The following PPARA variants were observed in gnomAD, a reference collection of about 807,000 sequenced individuals.
PPARA encodes peroxisome proliferator activated receptor alpha.
PPARA carries 22 observed loss-of-function variants against 42.2 expected under a neutral mutation model. The observed-to-expected ratio is 0.52, with a 90% confidence interval of 0.37 to 0.74. The LOEUF (loss-of-function observed/expected upper bound fraction) is 0.74. Ranked by LOEUF, PPARA falls within the 30% of genes least tolerant of loss-of-function variation. The pLI, the probability that PPARA is intolerant of heterozygous loss-of-function variation, is 0.00. For synonymous variants in PPARA, 242 were observed against 239.3 expected, an observed-to-expected ratio of 1.01 and a Z score of -0.10; for missense variants, 465 against 608.2, an observed-to-expected ratio of 0.76 and a Z score of 2.48.
chr22:46,210,852 G>A (rs1260746408), intron 4 of PPARA, among the ~76,000 whole-genome samples: 1 of 152,160 alleles, frequency 6.6e-6, no homozygotes, highest in Admixed American at 6.6e-5. Flanking sequence ...TAAGTTACTT[G>A]GAAAATCTTT....
rs937915400 is a variant in PPARA, at chr22:46,232,035, G to A, written c.955G>A (p.Ala319Thr). Residue 319 changes from alanine (A) to threonine (T), a missense_variant, in exon 8 of 9, where the codon GCC becomes ACC. By Grantham distance (58) the Ala-to-Thr change is moderately conservative. Coordinates refer to ENST00000407236, the MANE Select transcript of PPARA (RefSeq NM_005036.6). The surrounding 1 kb of genome is among the most constrained non-coding windows in gnomAD (Gnocchi z 5.3). ...ATACGGAGTTTATGAGGCCATATTC[G>A]CCATGCTGTCTTCTGTGATGAACAA... ...LKYGVYEAIF[A>T]MLSSVMNKDG... 1.1e-5 allele frequency: 17 copies of A among 1,614,056 alleles called. No homozygotes were observed. Among genetic ancestry groups the A allele is most frequent in the African/African-American group, 1.3e-5 (1 of 74,912 alleles).
rs1311506898 is a variant in PPARA, at chr22:46,212,476, A to T, written c.209-2697A>T. Among the ~76,000 whole-genome samples, 1 of 152,154 alleles carries T rather than the reference A, an allele frequency of 6.6e-6. No homozygotes were observed. Among genetic ancestry groups the T allele is most frequent in the Non-Finnish European group, 1.5e-5 (1 of 68,032 alleles). ...AAATGGTTCTTTTTACCATTGCTAT[A>T]ATTTTGCCTTTTCCAGAACGCCATG... On this transcript the variant is annotated intron_variant, in intron 4 of 8. Transcript: ENST00000407236. The surrounding 1 kb of genome is among the most constrained non-coding windows in gnomAD (Gnocchi z 4.2).
intron 7 of PPARA, among the ~76,000 whole-genome samples, chr22:46,223,045 C>T (rs1036797294): frequency 1.3e-5 from 2 of 152,004 alleles, no homozygotes; most frequent in Admixed American, 6.5e-5. Context: ...CTATAGTCCC[C>T]GCGACTTGGG....
At chr22:46,174,276 A>AGGAAGGAAAGGAAGGAAGGAAGG (rs1236515954) in intron 2 of PPARA, among the ~76,000 whole-genome samples, 1 of 150,532 alleles carries the variant, frequency 6.6e-6, no homozygotes, top group Non-Finnish European at 1.5e-5. Context: ...GAAGGAAGGA[A>AGGAAGGAAAGGAAGGAAGGAAGG]ATTATGATAA....
intron 4 of PPARA, among the ~76,000 whole-genome samples, chr22:46,207,725 C>T (rs1430906230): frequency 4.0e-5 from 5 of 124,552 alleles, no homozygotes; most frequent in East Asian, 4.7e-4. Context: ...GCGCTGATGC[C>T]GAGGCTGGAG....
chr22:46,175,735 T>C (rs1487005958), intron 2 of PPARA, among the ~76,000 whole-genome samples: 1 of 151,262 alleles, frequency 6.6e-6, no homozygotes, highest in Non-Finnish European at 1.5e-5. Context: ...AAAAAGAATG[T>C]CACATAATGA....
intron 2 of PPARA, among the ~76,000 whole-genome samples, chr22:46,174,186 AAGAAAGAGAG>A (rs893906420): frequency 3.1e-5 from 3 of 96,374 alleles, no homozygotes; most frequent in African/African-American, 1.1e-4. Context: ...TGAAAGAAGG[AAGAAAGAGAG>A]AGAGAGAGAG....
chr22:46,153,736 A>G (rs1045255457), intron 2 of PPARA, among the ~76,000 whole-genome samples: 5 of 151,880 alleles, frequency 3.3e-5, no homozygotes, highest in African/African-American at 1.2e-4. Context: ...GCGGGTGCCT[A>G]TGGTCCCAGC....
At chr22:46,186,519 C>T (rs1466493932) in intron 3 of PPARA, among the ~76,000 whole-genome samples, 1 of 152,128 alleles carries the variant, frequency 6.6e-6, no homozygotes, top group Non-Finnish European at 1.5e-5. Flanking sequence ...AGGAGCAGCA[C>T]CATGTGCCCA....
chr22:46,218,211 C>T, intron 5 of PPARA, 52 bp from the exon 6 acceptor site: 1 of 1,609,078 alleles, frequency 6.2e-7, no homozygotes, highest in Non-Finnish European at 8.5e-7. Flanking sequence ...AGCAAGTGCG[C>T]TGGTTTCTCA....
Position 46,216,121 on chromosome 22 carries a change from G to A in PPARA, c.369+788G>A, listed in dbSNP as rs1173101650. 2.0e-5 allele frequency among the ~76,000 whole-genome samples: 3 copies of A among 152,116 alleles called. No individual in the cohort carries two copies. The highest frequency in any genetic ancestry group is 4.8e-5 in the African/African-American group (2 of 41,430). ...CATTGGACCGGGTGCAGTGGCTCAC[G>A]CCTATAATCTCAGCACTTTGGGAGG... is the stretch of plus-strand genomic sequence containing the variant. On this transcript the variant is annotated intron_variant, in intron 5 of 8. Transcript: ENST00000407236. The surrounding 1 kb of genome is among the most constrained non-coding windows in gnomAD (Gnocchi z 4.5).
chr22:46,172,330 A>C (rs1013647342), intron 2 of PPARA, among the ~76,000 whole-genome samples: 29 of 151,894 alleles, frequency 1.9e-4, no homozygotes, highest in South Asian at 4.2e-4. Flanking sequence ...AAAAAAAAAA[A>C]AAAAAAAAAA....
chr22:46,160,512 G>A lies in PPARA; in HGVS notation c.-127+8542G>A, dbSNP rs1374153325. Among the ~76,000 whole-genome samples, 1 of 152,126 alleles carries A rather than the reference G, an allele frequency of 6.6e-6. No individual in the cohort carries two copies. Among genetic ancestry groups the A allele is most frequent in the Non-Finnish European group, 1.5e-5 (1 of 68,026 alleles). ...GGGGTTTCACCACGTTGGCCAGGCTGGTCTCAAACTCCCGGCCTCATGATC... is the reference window on the plus strand; with the variant it reads ...GGGGTTTCACCACGTTGGCCAGGCTAGTCTCAAACTCCCGGCCTCATGATC... On this transcript the variant is annotated intron_variant, in intron 2 of 8. Transcript: ENST00000407236. The surrounding 1 kb of genome is among the most constrained non-coding windows in gnomAD (Gnocchi z 4.5).
rs1219630435 is a variant in PPARA, at chr22:46,196,331, A to G, written c.-42-2011A>G. 6.6e-6 allele frequency among the ~76,000 whole-genome samples: 1 copy of G among 152,200 alleles called. No individual in the cohort carries two copies. Among genetic ancestry groups the G allele is most frequent in the Non-Finnish European group, 1.5e-5 (1 of 68,034 alleles). ...TGGACTCCACAAAGTATTCTTGACC[A>G]TACAATCATGGTCGAGGACCCCCTA... On this transcript the variant is annotated intron_variant, in intron 3 of 8. Coordinates refer to ENST00000407236, the MANE Select transcript of PPARA (RefSeq NM_005036.6). This position sits in a 1 kb window ranked among gnomAD's most constrained non-coding sequence, Gnocchi z 5.6.
chr22:46,189,449 A>G (rs1931243763), intron 3 of PPARA, among the ~76,000 whole-genome samples: 1 of 152,178 alleles, frequency 6.6e-6, no homozygotes, highest in Non-Finnish European at 1.5e-5. Flanking sequence ...AATTCTTTTG[A>G]TTACAAAATT....
At position 46,193,664 on chromosome 22, in the gene PPARA, G is replaced by T. The variant is rs112329378; in HGVS notation, c.-42-4678G>T. ...AATTTAGAAATGTAAAAGGTCTCAG[G>T]TAAGGAAGGAATGAGAGGATCATGC... On this transcript the variant is annotated intron_variant, in intron 3 of 8. Transcript: ENST00000407236. The surrounding 1 kb of genome is among the most constrained non-coding windows in gnomAD (Gnocchi z 5.3). Among the ~76,000 whole-genome samples, 5,802 of 152,210 alleles carry T rather than the reference G, an allele frequency of 0.038. 167 individuals are homozygous for T. The highest frequency in any genetic ancestry group is 0.083 in the African/African-American group (3,425 of 41,514).
At chr22:46,168,439 C>G (rs1927459158) in intron 2 of PPARA, among the ~76,000 whole-genome samples, 1 of 136,612 alleles carries the variant, frequency 7.3e-6, no homozygotes, top group Admixed American at 7.3e-5. Flanking sequence ...AAATTAGAAA[C>G]TTTTACTCAT....
chr22:46,211,936 C>T lies in PPARA; in HGVS notation c.209-3237C>T, dbSNP rs1436298272. ...CTCGAACTCCTGACCTTGTGATCCA[C>T]CTACCTCGGCCTCCCAAAGTGTTGG... On this transcript the variant is annotated intron_variant, in intron 4 of 8. Coordinates refer to ENST00000407236, the MANE Select transcript of PPARA (RefSeq NM_005036.6). The surrounding 1 kb of genome is among the most constrained non-coding windows in gnomAD (Gnocchi z 4.1). 1.3e-5 allele frequency among the ~76,000 whole-genome samples: 2 copies of T among 151,770 alleles called. No individual in the cohort carries two copies. Among genetic ancestry groups the T allele is most frequent in the African/African-American group, 2.4e-5 (1 of 41,298 alleles).
At position 46,230,933 on chromosome 22, in the gene PPARA, G is replaced by A. The variant is rs552370404; in HGVS notation, c.712-859G>A. ...TATACTGGTAAAATTAAGAATGATC[G>A]TAATTAAGCCTCTTGCAATAGTCAT... On this transcript the variant is annotated intron_variant, in intron 7 of 8. Coordinates refer to ENST00000407236, the MANE Select transcript of PPARA (RefSeq NM_005036.6). The surrounding 1 kb of genome is among the most constrained non-coding windows in gnomAD (Gnocchi z 5.0). Among the ~76,000 whole-genome samples, 9 of 152,296 alleles carry A rather than the reference G, an allele frequency of 5.9e-5. No homozygotes were observed. The highest frequency in any genetic ancestry group is 2.0e-4 in the Admixed American group (3 of 15,294).
Sources: gnomAD v4.1 joint callset for allele counts (sites outside exome capture counted in the v4.1 genomes callset) on GRCh38, gnomAD v4.1.1 for gene constraint, Gnocchi (gnomAD v3.1) non-coding constraint, MANE v1.5 for transcripts, NCBI Gene and HGNC (gene_info 2026-07-23, HGNC 2026-07-21) for gene names.